Variants in CCDC88B observed in about 807,000 individuals in gnomAD.
CCDC88B encodes the protein coiled-coil domain-containing protein 88B.
Under a neutral mutation model 183.7 loss-of-function variants are expected in CCDC88B, and 138 were observed. That is an observed-to-expected ratio of 0.75 (90% CI 0.65 to 0.87). The LOEUF (loss-of-function observed/expected upper bound fraction) is 0.87. CCDC88B is among the 40% of genes least tolerant of loss of function. CCDC88B has a pLI of 0.00. For synonymous variants in CCDC88B, 835 were observed against 867.5 expected (o/e 0.96, Z 0.66); for missense variants, 1,822 against 1,965.6 (o/e 0.93, Z 1.38).
At chr11:64,342,207 G>T in intron 8 of CCDC88B, 68 bp downstream of exon 8, 1 of 1,587,358 alleles carries the variant, frequency 6.3e-7, no homozygotes, top group East Asian at 2.3e-5. Context: ...TGGGACCCTA[G>T]CCCTGGTGGC....
rs1291858022 is a variant in CCDC88B at position 64,343,305 on chromosome 11, C to T, written c.1189C>T (p.Arg397Trp). 2 of 1,550,398 alleles carry T rather than the reference C, an allele frequency of 1.3e-6. No individual in the cohort carries two copies. Among genetic ancestry groups the T allele is most frequent in the South Asian group, 1.2e-5 (1 of 84,024 alleles). ...TQRENLLLRT[R>W]LGEAHAELDS... ...GCGCGAGAACCTGCTGCTGCGAACC[C>T]GGCTGGGCGAGGCCCATGCGGTAAG... is the stretch of plus-strand genomic sequence containing the variant. The change falls in exon 11 of 27, where the codon CGG becomes TGG. Residue 397 changes from arginine to tryptophan, a missense_variant. Transcript: ENST00000356786.
chr11:64,348,447 C>T (rs1012957135), intron 14 of CCDC88B, among the ~76,000 whole-genome samples: 32 of 152,100 alleles, frequency 2.1e-4, no homozygotes, highest in African/African-American at 7.2e-4. Context: ...GCGGGAGGTT[C>T]TATTCACCGT....
Position 64,355,220 on chromosome 11 carries a change from C to A in CCDC88B, c.4126C>A (p.Arg1376=). The part of the protein sequence containing the change: ...TGSPSPAPMR[R]AQSSLCLRDE... ...GTCCCCTTCCCCGGCACCCATGCGCCGGGCCCAGAGCTCCCTCTGCCTGCG... is the reference window on the plus strand; with the variant it reads ...GTCCCCTTCCCCGGCACCCATGCGCAGGGCCCAGAGCTCCCTCTGCCTGCG... The change falls in exon 25 of 27, where the codon CGG becomes AGG. Residue 1376 remains arginine (R), a synonymous_variant. Transcript: ENST00000356786. 1 of 1,505,154 alleles carries A rather than the reference C, an allele frequency of 6.6e-7. No homozygotes were observed. The allele number at this position is 1,505,154 out of a possible 1,614,324, so 93.2% of individuals were successfully genotyped here. A position where few individuals can be genotyped will look rare whatever the true frequency, so the allele number is the denominator to read the frequency against.
In CCDC88B at chr11:64,340,794, A is replaced by G. The variant is rs1242207450; in HGVS notation, c.206+42A>G. The stretch of plus-strand genomic sequence containing the variant: ...CGGGGCGGTGGCGGGGAAGGATCTG[A>G]GAGGAGGGGAAGCGGGTGGGCGGAG... On this transcript the variant is annotated intron_variant, in intron 2 of 26. Coordinates refer to ENST00000356786, the MANE Select transcript of CCDC88B (RefSeq NM_032251.6). The G allele has an allele frequency of 3.8e-6, 6 of 1,569,174 alleles. No individual in the cohort carries two copies. In the Admixed American group the frequency reaches 1.1e-4, roughly 28 times the overall value.
chr11:64,353,426 G>T lies in CCDC88B; in HGVS notation c.3763G>T (p.Glu1255Ter). The T allele has an allele frequency of 1.9e-6, 3 of 1,613,310 alleles. No individual in the cohort carries two copies. Among genetic ancestry groups the T allele is most frequent in the Non-Finnish European group, 2.5e-6 (3 of 1,179,964 alleles). Residue 1255 changes from glutamate (E) to a stop codon, truncating the protein, a stop_gained, in exon 22 of 27, where the codon GAG (glutamate) becomes TAG (stop). Transcript: ENST00000356786. LOFTEE classifies it high-confidence loss of function. ...LLAEVQALSRENRELLERSLE... is the reference protein window; with the variant it reads ...LLAEVQALSR ...GGCTGAAGTTCAGGCCCTGAGCCGGGAGAACAGGGAGCTCCTGGAGCGCAG... is the reference window on the plus strand; with the variant it reads ...GGCTGAAGTTCAGGCCCTGAGCCGGTAGAACAGGGAGCTCCTGGAGCGCAG...
Position 64,351,430 on chromosome 11 carries a change from G to A in CCDC88B, c.2959-46G>A, listed in dbSNP as rs188690855. ...GTGTGGGCCTGTGGTAGGCACTAGG[G>A]GGTGCCCCCGCCACCTGGCTATTGC... On this transcript the variant is annotated intron_variant, in intron 17 of 26. Transcript: ENST00000356786. 198 of 1,555,928 alleles carry A rather than the reference G, an allele frequency of 1.3e-4. 1 individual carries two copies. The East Asian group carries it at 4.2e-3, about 33-fold the overall frequency.
chr11:64,344,741 G>C lies in CCDC88B; in HGVS notation c.2200G>C (p.Val734Leu). 6.2e-7 allele frequency: 1 copy of C among 1,614,162 alleles called. No homozygotes were observed. Among genetic ancestry groups the C allele is most frequent in the Non-Finnish European group, 8.5e-7 (1 of 1,180,032 alleles). ...AGAGCAGGAGGCCCTCAGGGAGGAG[G>C]TGGCACAGTTGAGGAGAAAGGCTGA... ...VAEQEALREE[V>L]AQLRRKAEAL... is the part of the protein sequence containing the mutation. The change falls in exon 14 of 27, where the codon GTG (valine) becomes CTG (leucine). Residue 734 changes from valine to leucine, a missense_variant. Val to Leu is a conservative substitution (Grantham distance 32). Coordinates refer to ENST00000356786, the MANE Select transcript of CCDC88B (RefSeq NM_032251.6). This position sits in a 1 kb window ranked among gnomAD's most constrained non-coding sequence, Gnocchi z 4.5.
At chr11:64,356,978 C>T in intron 26 of CCDC88B, 61 bp from the exon 27 acceptor site, 2 of 1,501,936 alleles carry the variant, frequency 1.3e-6, no homozygotes, top group Non-Finnish European at 1.8e-6. Context: ...GCCTGTGGGC[C>T]TCCTGGGACT....
rs1160003519 is a variant in CCDC88B at position 64,342,024 on chromosome 11, C to A, written c.706C>A (p.Pro236Thr). ...RLAELLLEREPLCLRPEAPSR... is the reference protein window; with the variant it reads ...RLAELLLERETLCLRPEAPSR... ...GGCTGAACTGCTGCTGGAGCGAGAA[C>A]CCCTCTGCTTGAGGCCTGAGGCTCC... The change falls in exon 8 of 27, where the codon CCC becomes ACC. Residue 236 changes from proline to threonine, a missense_variant. Pro to Thr is a conservative substitution (Grantham distance 38). Transcript: ENST00000356786. The A allele has an allele frequency of 6.2e-7, 1 of 1,612,578 alleles. No homozygotes were observed. Among genetic ancestry groups the A allele is most frequent in the African/African-American group, 1.3e-5 (1 of 74,844 alleles).
At chr11:64,349,114 C>T (rs1480210015) in intron 14 of CCDC88B, 24 of 720,606 alleles carry the variant, frequency 3.3e-5, no homozygotes, top group Non-Finnish European at 5.9e-5. Flanking sequence ...CTTCCTCATG[C>T]CCTGCCAGGC....
chr11:64,346,300 C>G (rs2036101423), intron 14 of CCDC88B, among the ~76,000 whole-genome samples: 1 of 152,028 alleles, frequency 6.6e-6, no homozygotes, highest in Admixed American at 6.6e-5. Context: ...ACAGAGTCTC[C>G]CTCTGTTGCC....
At chr11:64,351,645 G>A (rs1463466929) in intron 18 of CCDC88B, 29 bp downstream of exon 18, 3 of 1,536,768 alleles carry the variant, frequency 2.0e-6, no homozygotes, top group Admixed American at 1.9e-5. Context: ...GCCCATCCCT[G>A]CCCATGTACT....
Position 64,352,224 on chromosome 11 carries a change from A to G in CCDC88B, c.3194A>G (p.Glu1065Gly), listed in dbSNP as rs1362355233. ...EEVRAARQSQ[E>G]ETRGQQQALL... ...GTGCGGGCGGCACGGCAGTCCCAGG[A>G]GGAGACCCGCGGGCAGCAGCAGGCC... Residue 1065 changes from glutamate (E) to glycine (G), a missense_variant, in exon 19 of 27, where the codon GAG (glutamate) becomes GGG (glycine). By Grantham distance (98) the Glu-to-Gly change is moderately conservative. Transcript: ENST00000356786. 2 of 1,610,574 alleles carry G rather than the reference A, an allele frequency of 1.2e-6. No homozygotes were observed. Among genetic ancestry groups the G allele is most frequent in the East Asian group, 4.5e-5 (2 of 44,770 alleles).
intron 13 of CCDC88B, 22 bp downstream of exon 13, chr11:64,343,936 C>G (rs1297015756): frequency 1.3e-6 from 2 of 1,578,096 alleles, no homozygotes; most frequent in East Asian, 2.3e-5. Context: ...CCCCCAGGGT[C>G]CTGGCCGGCC....
At chr11:64,340,418 C>G in intron 1 of CCDC88B, 92 bp downstream of exon 1, 1 of 1,297,514 alleles carries the variant, frequency 7.7e-7, no homozygotes, top group Non-Finnish European at 1.0e-6. Flanking sequence ...TGAGGCAGAA[C>G]CAGGCCGGAG....
rs1337169013 is a variant in CCDC88B at position 64,341,126 on chromosome 11, G to C, written c.336G>C (p.Leu112=). 6.2e-7 allele frequency: 1 copy of C among 1,614,118 alleles called. No individual in the cohort carries two copies. The highest frequency in any genetic ancestry group is 8.5e-7 in the Non-Finnish European group (1 of 1,180,014). The change falls in exon 4 of 27, where the codon CTG becomes CTC. Residue 112 remains leucine, a synonymous_variant. Transcript: ENST00000356786. ...GCCTCCAGGAGGAGCTGCAGCTGCTGATCCTGTCGCCACCCCCAGACCTCC... is the reference window on the plus strand; with the variant it reads ...GCCTCCAGGAGGAGCTGCAGCTGCTCATCCTGTCGCCACCCCCAGACCTCC... ...RDFYQEELQL[L]ILSPPPDLQT...
Position 64,353,155 on chromosome 11 carries a change from C to G in CCDC88B, c.3602C>G (p.Ala1201Gly). 6.3e-7 allele frequency: 1 copy of G among 1,591,264 alleles called. No individual in the cohort carries two copies. Among genetic ancestry groups the G allele is most frequent in the Non-Finnish European group, 8.5e-7 (1 of 1,170,234 alleles). The change falls in exon 21 of 27, where the codon GCA becomes GGA. Residue 1201 changes from alanine to glycine, a missense_variant. Ala to Gly is a moderately conservative substitution (Grantham distance 60, BLOSUM62 0). Transcript: ENST00000356786. ...GRLARLELER[A>G]QLEMQSQQLR... ...CTGGCGCGGCTGGAGCTGGAGCGGGCACAGCTGGAGATGCAGAGCCAGCAG... is the reference window on the plus strand; with the variant it reads ...CTGGCGCGGCTGGAGCTGGAGCGGGGACAGCTGGAGATGCAGAGCCAGCAG...
chr11:64,352,536 G>C, intron 19 of CCDC88B, 150 bp downstream of exon 19: 1 of 1,347,608 alleles, frequency 7.4e-7, no homozygotes, highest in South Asian at 1.5e-5. Context: ...GGGTAGCTGT[G>C]CTCCCCACAC....
Position 64,349,687 on chromosome 11 carries a change from G to T in CCDC88B, c.2862+19G>T. 6.4e-7 allele frequency: 1 copy of T among 1,570,576 alleles called. No homozygotes were observed. Among genetic ancestry groups the T allele is most frequent in the Non-Finnish European group, 8.7e-7 (1 of 1,155,816 alleles). On this transcript the variant is annotated intron_variant, in intron 16 of 26. Coordinates refer to ENST00000356786, the MANE Select transcript of CCDC88B (RefSeq NM_032251.6). ...GTTCCAGGTGATGCCTGCCCGCCTGGGAGCTGGGGGCCATGCCACCCTGCC... is the reference window on the plus strand; with the variant it reads ...GTTCCAGGTGATGCCTGCCCGCCTGTGAGCTGGGGGCCATGCCACCCTGCC...
Sources: gnomAD v4.1 joint callset for allele counts (sites outside exome capture counted in the v4.1 genomes callset) on GRCh38, gnomAD v4.1.1 for gene constraint, Gnocchi (gnomAD v3.1) non-coding constraint, MANE v1.5 for transcripts, NCBI Gene and HGNC (gene_info 2026-07-23, HGNC 2026-07-21) for gene names.